Variants in CHCHD3 observed in about 807,000 individuals in gnomAD.
The protein encoded by CHCHD3 is MICOS complex subunit MIC19.
In CHCHD3, 20 loss-of-function variants were observed where a neutral mutation model predicts 38.2. The observed-to-expected ratio is 0.52, with a 90% CI of 0.37 to 0.76. The LOEUF is 0.76. Among genes scored for constraint, CHCHD3 ranks in the 30% least tolerant of loss-of-function variants. The probability of loss-of-function intolerance (pLI) is 0.00; values close to 1 mark genes in which losing one functional copy is unlikely to be tolerated. For synonymous variants in CHCHD3, 82 were observed against 100.0 expected (o/e 0.82, Z 1.07); for missense variants, 245 against 279.2 (o/e 0.88, Z 0.87).
chr7:132,824,544 G>A (rs1807461205), intron 6 of CHCHD3, among the ~76,000 whole-genome samples: 1 of 152,048 alleles, frequency 6.6e-6, no homozygotes. Flanking sequence ...TCGATTTCCT[G>A]ACCTTGTGAT....
At chr7:132,892,297 T>C (rs1168474473) in intron 4 of CHCHD3, among the ~76,000 whole-genome samples, 2 of 152,208 alleles carry the variant, frequency 1.3e-5, no homozygotes, top group Admixed American at 6.5e-5. Context: ...AGGAACTTAC[T>C]GGGAACTGGA....
intron 4 of CHCHD3, among the ~76,000 whole-genome samples, chr7:132,939,163 A>G (rs556333795): frequency 6.6e-6 from 1 of 152,272 alleles, no homozygotes; most frequent in South Asian, 2.1e-4. Flanking sequence ...TTCCTATCAC[A>G]CAGTAACTCA....
chr7:132,911,056 A>T (rs1291079572), intron 4 of CHCHD3, among the ~76,000 whole-genome samples: 1 of 152,248 alleles, frequency 6.6e-6, no homozygotes, highest in African/African-American at 2.4e-5. Context: ...GATTAGGCTC[A>T]AAAAGAAGCA....
chr7:132,989,198 C>T (rs1173794431), intron 3 of CHCHD3, among the ~76,000 whole-genome samples: 1 of 152,134 alleles, frequency 6.6e-6, no homozygotes, highest in African/African-American at 2.4e-5. Flanking sequence ...GCATTAAGTC[C>T]TGGTTCTGAA....
chr7:132,995,985 G>C (rs1363669081), intron 3 of CHCHD3, among the ~76,000 whole-genome samples: 4 of 152,034 alleles, frequency 2.6e-5, no homozygotes, highest in Non-Finnish European at 5.9e-5. Flanking sequence ...TCCCCATTCA[G>C]AGCTAAAGAA....
chr7:132,969,157 T>TG (rs1355077589), intron 4 of CHCHD3, among the ~76,000 whole-genome samples: 3 of 135,560 alleles, frequency 2.2e-5, no homozygotes, highest in Admixed American at 7.3e-5. Context: ...TTTTTTACTG[T>TG]GTTTTTTTTT....
At chr7:132,872,287 T>A (rs1808784660) in intron 5 of CHCHD3, among the ~76,000 whole-genome samples, 2 of 152,176 alleles carry the variant, frequency 1.3e-5, no homozygotes, top group Non-Finnish European at 2.9e-5. Flanking sequence ...AACCTAAATT[T>A]GCAGGAAGTT....
At chr7:132,933,370 G>C (rs974544095) in intron 4 of CHCHD3, among the ~76,000 whole-genome samples, 1 of 152,160 alleles carries the variant, frequency 6.6e-6, no homozygotes, top group Non-Finnish European at 1.5e-5. Flanking sequence ...TACACATCAC[G>C]AGAAGTATGT....
At chr7:132,860,316 A>AGAGAGAGAG (rs1554377218) in intron 5 of CHCHD3, among the ~76,000 whole-genome samples, 7 of 134,620 alleles carry the variant, frequency 5.2e-5, no homozygotes, top group Admixed American at 2.8e-4. Context: ...GAGAGAGAGA[A>AGAGAGAGAG]AGAGAGAGAG....
chr7:132,933,430 T>TTC (rs1202053445), intron 4 of CHCHD3, among the ~76,000 whole-genome samples: 2 of 152,210 alleles, frequency 1.3e-5, no homozygotes, highest in Admixed American at 1.3e-4. Flanking sequence ...CATAAGGCTC[T>TTC]TCTAAAATGT....
At chr7:132,825,534 A>G (rs1182254493) in intron 6 of CHCHD3, among the ~76,000 whole-genome samples, 2 of 152,244 alleles carry the variant, frequency 1.3e-5, no homozygotes, top group Non-Finnish European at 2.9e-5. Context: ...CAGCAATGCT[A>G]ATTTTCTTCA....
chr7:133,053,564 T>C (rs1163956849), intron 2 of CHCHD3, among the ~76,000 whole-genome samples: 1 of 152,250 alleles, frequency 6.6e-6, no homozygotes, highest in African/African-American at 2.4e-5. Flanking sequence ...AACAATCACA[T>C]GTGTGGTGAA....
At chr7:132,789,968 G>A (rs1419459834) in intron 7 of CHCHD3, among the ~76,000 whole-genome samples, 1 of 152,194 alleles carries the variant, frequency 6.6e-6, no homozygotes, top group Non-Finnish European at 1.5e-5. Flanking sequence ...TGAGAAGACT[G>A]TGCATAAGAC....
At chr7:132,931,238 T>A (rs1196174930) in intron 4 of CHCHD3, among the ~76,000 whole-genome samples, 1 of 152,186 alleles carries the variant, frequency 6.6e-6, no homozygotes, top group Non-Finnish European at 1.5e-5. Context: ...TAATAATTAT[T>A]AACTTTGGAT....
chr7:133,012,073 C>T (rs1812892288), intron 3 of CHCHD3, among the ~76,000 whole-genome samples: 1 of 152,154 alleles, frequency 6.6e-6, no homozygotes, highest in South Asian at 2.1e-4. Context: ...CCGCAATTTT[C>T]TGTTAGACTA....
intron 5 of CHCHD3, among the ~76,000 whole-genome samples, chr7:132,843,417 A>G (rs1245968891): frequency 3.3e-5 from 5 of 152,226 alleles, no homozygotes; most frequent in Non-Finnish European, 7.3e-5. Flanking sequence ...AGAATAATAT[A>G]GTATTTAGCT....
chr7:132,902,521 A>T (rs536228235), intron 4 of CHCHD3, among the ~76,000 whole-genome samples: 1 of 152,326 alleles, frequency 6.6e-6, no homozygotes, highest in South Asian at 2.1e-4. Flanking sequence ...CTTTGCTGGG[A>T]CATGGATGAA....
chr7:133,005,375 C>T (rs1812673083), intron 3 of CHCHD3, among the ~76,000 whole-genome samples: 1 of 152,190 alleles, frequency 6.6e-6, no homozygotes, highest in African/African-American at 2.4e-5. Context: ...CTATGCATCT[C>T]TTATTAGTGT....
At chr7:132,885,859 C>T (rs957293572) in intron 4 of CHCHD3, 114 bp from the exon 5 acceptor site, 1 of 615,640 alleles carries the variant, frequency 1.6e-6, no homozygotes, top group African/African-American at 1.9e-5. Context: ...TTTTTGCAAT[C>T]TATTAGGTCT....
Sources: gnomAD v4.1 joint callset for allele counts (sites outside exome capture counted in the v4.1 genomes callset) on GRCh38, gnomAD v4.1.1 for gene constraint, MANE v1.5 for transcripts, NCBI Gene and HGNC (gene_info 2026-07-23, HGNC 2026-07-21) for gene names.